The following CNTN3 variants were observed in gnomAD, a reference collection of about 807,000 sequenced individuals.
The protein encoded by CNTN3 is contactin-3.
Under a neutral mutation model 119.1 loss-of-function variants are expected in CNTN3, and 60 were observed. The observed-to-expected ratio is 0.50, with a 90% CI of 0.41 to 0.62. The LOEUF is 0.62. Among genes scored for constraint, CNTN3 ranks in the 20% least tolerant of loss-of-function variants. CNTN3 has a pLI of 0.00. For synonymous variants in CNTN3, 450 were observed against 438.7 expected, an observed-to-expected ratio of 1.03 and a Z score of -0.32; for missense variants, 1,101 against 1,242.4, an observed-to-expected ratio of 0.89 and a Z score of 1.71.
intron 4 of CNTN3, among the ~76,000 whole-genome samples, chr3:74,484,304 G>T (rs955582067): frequency 6.6e-6 from 1 of 152,068 alleles, no homozygotes; most frequent in Non-Finnish European, 1.5e-5. Flanking sequence ...AGGAAACCCT[G>T]CCTCTAAGAT....
At chr3:74,471,023 C>A (rs766097866) in intron 4 of CNTN3, among the ~76,000 whole-genome samples, 1 of 151,984 alleles carries the variant, frequency 6.6e-6, no homozygotes, top group African/African-American at 2.4e-5. Context: ...ACTACAGGCA[C>A]GTGCCACCAC....
chr3:74,554,384 T>C (rs1370615649), intron 1 of CNTN3, among the ~76,000 whole-genome samples: 2 of 152,166 alleles, frequency 1.3e-5, no homozygotes, highest in African/African-American at 2.4e-5. Flanking sequence ...TTGTCCAGGA[T>C]TGTCTTGGCT....
chr3:74,477,571 G>C (rs1305122436), intron 4 of CNTN3, among the ~76,000 whole-genome samples: 1 of 152,088 alleles, frequency 6.6e-6, no homozygotes, highest in Non-Finnish European at 1.5e-5. Flanking sequence ...GTTACTAGAG[G>C]CTGGGAAGGG....
intron 4 of CNTN3, among the ~76,000 whole-genome samples, chr3:74,461,686 T>C (rs1702370366): frequency 6.6e-6 from 1 of 152,074 alleles, no homozygotes; most frequent in Non-Finnish European, 1.5e-5. Flanking sequence ...TGCATCATAT[T>C]GTTAGATAGT....
At chr3:74,449,356 T>G (rs193150213) in intron 4 of CNTN3, among the ~76,000 whole-genome samples, 49 of 152,110 alleles carry the variant, frequency 3.2e-4, no homozygotes, top group African/African-American at 1.1e-3. Flanking sequence ...TCTGAATTAT[T>G]TATGTACTCT....
rs562659385 is a variant in CNTN3 at position 74,338,403 on chromosome 3, T to C, written c.1365-1745A>G. On this transcript the variant is annotated intron_variant, in intron 11 of 22. Transcript: ENST00000263665. ...ATGCATATGTGTATGTGTGTATATA[T>C]ATACATATGTGTATACATATATGTG... 3.3e-5 allele frequency among the ~76,000 whole-genome samples: 5 copies of C among 152,168 alleles called. No homozygotes were observed. In the South Asian group the frequency reaches 8.3e-4, roughly 25 times the overall value.
intron 13 of CNTN3, among the ~76,000 whole-genome samples, chr3:74,311,256 C>T (rs1241357459): frequency 1.3e-5 from 2 of 152,028 alleles, no homozygotes; most frequent in African/African-American, 2.4e-5. Flanking sequence ...TCTGGCAATT[C>T]TCTTGATACT....
chr3:74,338,388 GTA>G (rs747015029), intron 11 of CNTN3, among the ~76,000 whole-genome samples: 12 of 149,876 alleles, frequency 8.0e-5, no homozygotes, highest in Non-Finnish European at 1.5e-4. Context: ...ATGCATATGT[GTA>G]TGTGTGTATA....
At chr3:74,521,605 T>A (rs904234195) in intron 1 of CNTN3, among the ~76,000 whole-genome samples, 2 of 151,798 alleles carry the variant, frequency 1.3e-5, no homozygotes, top group Non-Finnish European at 2.9e-5. Context: ...AGTTTCTGAA[T>A]TCCTAATAAA....
intron 5 of CNTN3, among the ~76,000 whole-genome samples, chr3:74,407,865 AG>A (rs2106864038): frequency 6.6e-6 from 1 of 152,348 alleles, no homozygotes; most frequent in East Asian, 1.9e-4. Flanking sequence ...ATTTTGATAA[AG>A]TATCAGAACT....
chr3:74,375,793 T>C (rs564991096), intron 5 of CNTN3, among the ~76,000 whole-genome samples: 1 of 152,338 alleles, frequency 6.6e-6, no homozygotes, highest in African/African-American at 2.4e-5. Flanking sequence ...GCCAATTTCT[T>C]GATTTTTAGC....
In CNTN3 at chr3:74,540,076, C is replaced by T. The variant is rs117562454; in HGVS notation, c.-80-18884G>A. 2.4e-3 allele frequency among the ~76,000 whole-genome samples: 367 copies of T among 152,238 alleles called. 4 individuals carry two copies. Among genetic ancestry groups the T allele is most frequent in the African/African-American group, 8.3e-3 (343 of 41,562 alleles). On this transcript the variant is annotated intron_variant, in intron 1 of 22. Transcript: ENST00000263665. Reference sequence around the variant, plus strand: ...CTGGGAAAGTGCACAGTTAGCAAAACACGTCCCTTCTTGAGGGCTGGCAGC... The same window carrying T: ...CTGGGAAAGTGCACAGTTAGCAAAATACGTCCCTTCTTGAGGGCTGGCAGC...
chr3:74,380,624 T>C (rs1361281517), intron 5 of CNTN3, among the ~76,000 whole-genome samples: 1 of 152,238 alleles, frequency 6.6e-6, no homozygotes, highest in Non-Finnish European at 1.5e-5. Context: ...GCCCATCCTT[T>C]AATGAATCCA....
chr3:74,586,387 C>A (rs886438957), intron 1 of CNTN3, among the ~76,000 whole-genome samples: 5 of 152,264 alleles, frequency 3.3e-5, no homozygotes, highest in Non-Finnish European at 7.4e-5. Flanking sequence ...AACAGAAACA[C>A]TTCCCCTCAT....
At chr3:74,544,140 G>C (rs1268592557) in intron 1 of CNTN3, among the ~76,000 whole-genome samples, 1 of 152,120 alleles carries the variant, frequency 6.6e-6, no homozygotes, top group Non-Finnish European at 1.5e-5. Context: ...CCACGAGGCA[G>C]AAAATACATT....
At chr3:74,410,233 C>T (rs1701415662) in intron 5 of CNTN3, among the ~76,000 whole-genome samples, 2 of 152,144 alleles carry the variant, frequency 1.3e-5, no homozygotes, top group Non-Finnish European at 2.9e-5. Context: ...ACTGTCCAAC[C>T]CCTGCCCTCT....
intron 1 of CNTN3, among the ~76,000 whole-genome samples, chr3:74,561,211 C>A (rs2107174099): frequency 6.7e-6 from 1 of 149,024 alleles, no homozygotes; most frequent in South Asian, 2.1e-4. Context: ...TGAAATCTTA[C>A]TTAAAAAAAA....
intron 5 of CNTN3, among the ~76,000 whole-genome samples, chr3:74,408,585 T>C (rs915625066): frequency 4.6e-5 from 7 of 152,120 alleles, no homozygotes; most frequent in Non-Finnish European, 8.8e-5. Flanking sequence ...TGCGGCCAGA[T>C]CTCGAGGGCC....
chr3:74,526,130 C>A (rs547903300), intron 1 of CNTN3, among the ~76,000 whole-genome samples: 44 of 151,924 alleles, frequency 2.9e-4, no homozygotes, highest in South Asian at 1.2e-3. Flanking sequence ...ATACACCACC[C>A]TCTCTTGCAT....
Sources: gnomAD v4.1 joint callset for allele counts (sites outside exome capture counted in the v4.1 genomes callset) on GRCh38, gnomAD v4.1.1 for gene constraint, MANE v1.5 for transcripts, NCBI Gene and HGNC (gene_info 2026-07-23, HGNC 2026-07-21) for gene names.